PPP6R3: variants seen among roughly 807,000 people sequenced by gnomAD.
PPP6R3 encodes the protein serine/threonine-protein phosphatase 6 regulatory subunit 3.
A neutral mutation model predicts 110.7 loss-of-function variants in PPP6R3; 38 were observed. That is an observed-to-expected ratio of 0.34 (90% CI 0.26 to 0.45). PPP6R3 has a LOEUF of 0.45. Among genes scored for constraint, PPP6R3 ranks in the 20% least tolerant of loss-of-function variants. The pLI, the probability that PPP6R3 is intolerant of heterozygous loss-of-function variation, is 1.00. For missense variants in PPP6R3, 870 were observed against 1,062.4 expected (o/e 0.82, Z 2.52); for synonymous variants, 369 against 373.5 (o/e 0.99, Z 0.14).
intron 5 of PPP6R3, among the ~76,000 whole-genome samples, chr11:68,550,072 A>G (rs1468614544): frequency 6.6e-6 from 1 of 152,188 alleles, no homozygotes; most frequent in Non-Finnish European, 1.5e-5. Flanking sequence ...ATGGTCCTAG[A>G]CATCACTTGT....
At chr11:68,498,431 GTA>G (rs1311039560) in intron 1 of PPP6R3, among the ~76,000 whole-genome samples, 2 of 152,108 alleles carry the variant, frequency 1.3e-5, no homozygotes, top group Non-Finnish European at 2.9e-5. Context: ...ATACGGAAAA[GTA>G]CATACAATAA....
chr11:68,608,503 T>G (rs1213173206), intron 22 of PPP6R3, among the ~76,000 whole-genome samples: 1 of 152,194 alleles, frequency 6.6e-6, no homozygotes. Flanking sequence ...AGCGTGGGCT[T>G]CTTTGTAGGT....
At chr11:68,474,029 TA>T (rs1197938045) in intron 1 of PPP6R3, among the ~76,000 whole-genome samples, 1 of 150,386 alleles carries the variant, frequency 6.6e-6, no homozygotes, top group Non-Finnish European at 1.5e-5. Context: ...ATTTGCATGT[TA>T]AAAAGCAATT....
Position 68,562,669 on chromosome 11 carries a change from C to T in PPP6R3, c.846-1634C>T, listed in dbSNP as rs116672765. 3.4e-3 allele frequency among the ~76,000 whole-genome samples: 521 copies of T among 152,256 alleles called. 6 individuals are homozygous for T. Among genetic ancestry groups the T allele is most frequent in the African/African-American group, 0.012 (498 of 41,544 alleles). On this transcript the variant is annotated intron_variant, in intron 8 of 23. Transcript: ENST00000393800. ...GGGCAGTTCAGCGGAGAAAGGACAG[C>T]GTTTTCAGTAAATCGTCCTGAATGG...
At chr11:68,546,933 G>C (rs1417076680) in intron 4 of PPP6R3, among the ~76,000 whole-genome samples, 1 of 152,156 alleles carries the variant, frequency 6.6e-6, no homozygotes, top group Non-Finnish European at 1.5e-5. Context: ...TTAAAAACTT[G>C]TGGGATCCAA....
rs908999575 is a variant in PPP6R3 at position 68,490,227 on chromosome 11, C to A, written c.-157-29274C>A. ...AGAATTCTAGGTTGGTGTTATTTTT[C>A]CCCCTCTCAGTGCTATAAATATTTC... On this transcript the variant is annotated intron_variant, in intron 1 of 23. Transcript: ENST00000393800. Among the ~76,000 whole-genome samples the A allele has an allele frequency of 5.9e-5, 9 of 152,222 alleles. No individual in the cohort carries two copies. In the East Asian group the frequency reaches 1.7e-3, roughly 29 times the overall value.
Position 68,609,948 on chromosome 11 carries a change from A to G in PPP6R3, c.2495A>G (p.Asp832Gly). 6.2e-7 allele frequency: 1 copy of G among 1,614,162 alleles called. No homozygotes were observed. The highest frequency in any genetic ancestry group is 8.5e-7 in the Non-Finnish European group (1 of 1,180,026). The change falls in exon 23 of 24, where the codon GAC becomes GGC. Residue 832 changes from aspartate to glycine, a missense_variant. Coordinates refer to ENST00000393800, the MANE Select transcript of PPP6R3 (RefSeq NM_001164161.2). ...ACCTCTCAAGATGCTGCTTGTAAAG[A>G]CGCAGAGGAGTGTCCCGAGACTGCA... Reference protein sequence around the residue: ...LSTSQDAACKDAEECPETAEA... With the variant: ...LSTSQDAACKGAEECPETAEA...
intron 18 of PPP6R3, among the ~76,000 whole-genome samples, chr11:68,592,700 T>C (rs568715202): frequency 6.6e-6 from 1 of 152,334 alleles, no homozygotes; most frequent in African/African-American, 2.4e-5. Flanking sequence ...GATCACAAGA[T>C]AGCTGCTATA....
chr11:68,573,173 C>T (rs1336928127), intron 12 of PPP6R3, among the ~76,000 whole-genome samples: 4 of 71,082 alleles, frequency 5.6e-5, no homozygotes, highest in South Asian at 4.6e-4. Context: ...TTTTTTGAGA[C>T]GGAGTCTTAT....
intron 1 of PPP6R3, among the ~76,000 whole-genome samples, chr11:68,515,977 C>G (rs1468893109): frequency 6.6e-6 from 1 of 152,178 alleles, no homozygotes; most frequent in Non-Finnish European, 1.5e-5. Context: ...ATTGTGCAAT[C>G]AGCACCGTCC....
intron 1 of PPP6R3, among the ~76,000 whole-genome samples, chr11:68,494,247 C>T (rs910887269): frequency 2.6e-5 from 4 of 151,150 alleles, no homozygotes; most frequent in South Asian, 2.1e-4. Flanking sequence ...ACATCATGGC[C>T]GGGCACGGTG....
chr11:68,495,389 G>A (rs1028126269), intron 1 of PPP6R3, among the ~76,000 whole-genome samples: 5 of 152,152 alleles, frequency 3.3e-5, no homozygotes, highest in Admixed American at 3.3e-4. Flanking sequence ...ACAAGTTAAT[G>A]TTTTTTAGTA....
intron 2 of PPP6R3, chr11:68,535,612 AT>A (rs2099265850): frequency 6.6e-6 from 1 of 151,998 alleles, no homozygotes; most frequent in African/African-American, 2.4e-5. Flanking sequence ...CACCCTTCAC[AT>A]TTTATAATAT....
At chr11:68,565,736 A>G (rs2099461733) in intron 9 of PPP6R3, among the ~76,000 whole-genome samples, 1 of 151,782 alleles carries the variant, frequency 6.6e-6, no homozygotes, top group Non-Finnish European at 1.5e-5. Flanking sequence ...TTACTCCGAG[A>G]ACTGAGTGAG....
intron 2 of PPP6R3, among the ~76,000 whole-genome samples, chr11:68,524,538 C>G (rs181925370): frequency 1.3e-5 from 2 of 152,110 alleles, no homozygotes; most frequent in African/African-American, 4.8e-5. Context: ...TTAGTTACAT[C>G]GTAATATTAG....
chr11:68,474,897 ACTTC>A (rs767628289), intron 1 of PPP6R3, among the ~76,000 whole-genome samples: 11 of 151,804 alleles, frequency 7.2e-5, no homozygotes, highest in Middle Eastern at 3.4e-3. Context: ...CTAATATTTA[ACTTC>A]CTTTTTTTTA....
intron 1 of PPP6R3, among the ~76,000 whole-genome samples, chr11:68,482,562 T>C (rs1297733973): frequency 1.3e-5 from 2 of 152,172 alleles, no homozygotes; most frequent in African/African-American, 4.8e-5. Context: ...TAGTAGCCTA[T>C]TTTATGGACT....
intron 1 of PPP6R3, among the ~76,000 whole-genome samples, chr11:68,485,290 T>TTC (rs1555034966): frequency 1.6e-4 from 24 of 145,646 alleles, no homozygotes; most frequent in South Asian, 2.1e-4. Context: ...TTTTTTTTTT[T>TTC]TTCAATTCCT....
At chr11:68,489,544 C>CTCTGTG (rs1555042821) in intron 1 of PPP6R3, among the ~76,000 whole-genome samples, 1 of 63,312 alleles carries the variant, frequency 1.6e-5, no homozygotes, top group African/African-American at 1.2e-4. Context: ...TTTGCAGATA[C>CTCTGTG]TGTGTGTTTG....
Sources: allele counts gnomAD v4.1 joint callset (sites outside exome capture counted in the v4.1 genomes callset), GRCh38; gene constraint gnomAD v4.1.1; transcripts MANE v1.5; gene names NCBI Gene and HGNC (gene_info 2026-07-23, HGNC 2026-07-21).